Variants in DNAH12 observed in about 807,000 individuals in gnomAD.
DNAH12 encodes dynein axonemal heavy chain 12, also known as axonemal beta dynein heavy chain 12.
DNAH12 carries 285 observed loss-of-function variants against 371.5 expected under a neutral mutation model. The observed-to-expected ratio is 0.77, with a 90% CI of 0.70 to 0.85. DNAH12 has a LOEUF of 0.85. Ranked by LOEUF, DNAH12 falls within the 40% of genes least tolerant of loss-of-function variation. The pLI is 0.00. For missense variants in DNAH12, 3,611 were observed against 3,689.4 expected, an observed-to-expected ratio of 0.98 and a Z score of 0.55; for synonymous variants, 1,200 against 1,213.0, an observed-to-expected ratio of 0.99 and a Z score of 0.22.
chr3:57,340,427 A>T (rs2062366079), intron 60 of DNAH12, among the ~76,000 whole-genome samples: 1 of 152,088 alleles, frequency 6.6e-6, no homozygotes, highest in South Asian at 2.1e-4. Context: ...TAGACTAAGA[A>T]AAAAAGAGAA....
chr3:57,296,983 T>C lies in DNAH12; in HGVS notation c.11396A>G (p.Asp3799Gly). The part of the protein sequence containing the change: ...DFLARLNFLQ[D>G]WYNSGKPCVF... ...ACAAGGTTTTCCTGAATTATACCAG[T>C]CCTACAAAGGGAAAACAAAACACAT... Residue 3799 changes from aspartate (D) to glycine (G), a missense_variant and splice_region_variant, in exon 71 of 74, where the codon GAC (aspartate) becomes GGC (glycine). By Grantham distance (94) the Asp-to-Gly change is moderately conservative. Transcript: ENST00000495027. The C allele has an allele frequency of 6.4e-7, 1 of 1,551,332 alleles. No homozygotes were observed. The highest frequency in any genetic ancestry group is 8.7e-7 in the Non-Finnish European group (1 of 1,146,922).
At chr3:57,548,975 C>G (rs750239142), upstream of DNAH12, 1 of 151,964 alleles carries the variant, frequency 6.6e-6, no homozygotes, top group East Asian at 1.9e-4. Context: ...AAGCAAAATC[C>G]TTCACTTTTT....
At chr3:57,489,974 C>A (rs1223406215) in intron 11 of DNAH12, among the ~76,000 whole-genome samples, 1 of 151,930 alleles carries the variant, frequency 6.6e-6, no homozygotes, top group Non-Finnish European at 1.5e-5. Context: ...TAAAATTATC[C>A]CCAGAGTCAA....
rs1553681103 is a variant in DNAH12, at chr3:57,405,963, A to G, written c.6277-11T>C. The G allele has an allele frequency of 6.5e-7, 1 of 1,529,658 alleles. No individual in the cohort carries two copies. Among genetic ancestry groups the G allele is most frequent in the South Asian group, 1.2e-5 (1 of 82,554 alleles). 94.8% of individuals were successfully genotyped at this position (1,529,658 alleles called of 1,614,324 possible). On this transcript the variant is annotated splice_polypyrimidine_tract_variant and intron_variant, in intron 40 of 73. Coordinates refer to ENST00000495027, the MANE Select transcript of DNAH12 (RefSeq NM_001366028.2). ...AGATTGTTTATATATCTGAATATGA[A>G]AAAAGCAACAAAGCAAAAATAAAAT...
At chr3:57,449,632 T>A (rs2065680801) in intron 25 of DNAH12, among the ~76,000 whole-genome samples, 1 of 152,178 alleles carries the variant, frequency 6.6e-6, no homozygotes, top group African/African-American at 2.4e-5. Context: ...GCTGGCCGGC[T>A]GCTCAGAGTG....
intron 11 of DNAH12, among the ~76,000 whole-genome samples, chr3:57,499,100 G>T (rs1197600415): frequency 1.3e-5 from 2 of 152,098 alleles, no homozygotes; most frequent in South Asian, 2.1e-4. Context: ...GCTAGTAAAA[G>T]AAATCAGATG....
intron 62 of DNAH12, among the ~76,000 whole-genome samples, chr3:57,326,716 C>G (rs2153300709): frequency 6.6e-6 from 1 of 152,266 alleles, no homozygotes; most frequent in Non-Finnish European, 1.5e-5. Context: ...ACAATATTAA[C>G]TTTAAATGTA....
intron 60 of DNAH12, among the ~76,000 whole-genome samples, chr3:57,335,151 G>A (rs751300491): frequency 6.6e-6 from 1 of 152,174 alleles, no homozygotes; most frequent in Non-Finnish European, 1.5e-5. Flanking sequence ...AGAGAAGAGA[G>A]GTGAATAAGG....
intron 4 of DNAH12, chr3:57,519,799 T>C: frequency 6.8e-7 from 1 of 1,479,816 alleles, no homozygotes; most frequent in Admixed American, 1.7e-5. Flanking sequence ...AACACAGTCC[T>C]CTTGTTTGTT....
rs150116321 is a variant in DNAH12 at position 57,297,906 on chromosome 3, A to AGC, written c.11395-924_11395-923dup. Among the ~76,000 whole-genome samples the AGC allele has an allele frequency of 7.2e-3, 1,104 of 152,312 alleles. 12 individuals carry two copies. The highest frequency in any genetic ancestry group is 0.025 in the African/African-American group (1,034 of 41,556). On this transcript the variant is annotated intron_variant, in intron 70 of 73. Coordinates refer to ENST00000495027, the MANE Select transcript of DNAH12 (RefSeq NM_001366028.2). The stretch of plus-strand genomic sequence containing the variant: ...CAGTGATGCACCAAATTAAAGCTTA[A>AGC]GCCTCTTGGTCTCCTATTCAAGATA...
At chr3:57,462,939 A>T (rs2066099494) in intron 17 of DNAH12, 64 bp from the exon 18 acceptor site, 1 of 1,132,848 alleles carries the variant, frequency 8.8e-7, no homozygotes, top group Non-Finnish European at 1.3e-6. Flanking sequence ...TAGATTCCAT[A>T]GATGAAGCCT....
chr3:57,310,678 C>T, intron 67 of DNAH12, 39 bp downstream of exon 67: 2 of 1,378,074 alleles, frequency 1.5e-6, no homozygotes, highest in South Asian at 2.6e-5. Flanking sequence ...TTAGAAAAAT[C>T]ACACATTAAT....
intron 70 of DNAH12, among the ~76,000 whole-genome samples, chr3:57,300,256 C>T (rs1247213995): frequency 6.6e-6 from 1 of 152,192 alleles, no homozygotes; most frequent in Non-Finnish European, 1.5e-5. Context: ...CAGTCAGTTG[C>T]ACCCAAGACA....
chr3:57,422,935 C>T (rs755723394), intron 35 of DNAH12, among the ~76,000 whole-genome samples: 5 of 152,048 alleles, frequency 3.3e-5, no homozygotes, highest in South Asian at 2.1e-4. Context: ...AATAGAGAAA[C>T]GATGCAAATC....
intron 44 of DNAH12, 43 bp downstream of exon 44, chr3:57,394,128 A>T (rs1258261928): frequency 3.3e-5 from 5 of 152,174 alleles, no homozygotes; most frequent in Non-Finnish European, 7.4e-5. Flanking sequence ...TTCAAGAAAT[A>T]AAGTTTTTGT....
intron 60 of DNAH12, among the ~76,000 whole-genome samples, chr3:57,349,290 C>T (rs868921541): frequency 1.3e-5 from 2 of 152,266 alleles, no homozygotes; most frequent in Middle Eastern, 6.8e-3. Context: ...CCACCTCACT[C>T]CCGCAGGAAT....
chr3:57,420,697 CA>C (rs1007298723), intron 36 of DNAH12, among the ~76,000 whole-genome samples: 1 of 151,922 alleles, frequency 6.6e-6, no homozygotes, highest in African/African-American at 2.4e-5. Context: ...ATCACGAGGT[CA>C]GGAGACTGAG....
intron 4 of DNAH12, among the ~76,000 whole-genome samples, chr3:57,516,948 T>C (rs1379054812): frequency 2.6e-5 from 4 of 152,206 alleles, no homozygotes; most frequent in African/African-American, 4.8e-5. Flanking sequence ...TTTTCAAGTT[T>C]ATTTTATACT....
chr3:57,407,683 G>C (rs529013508), intron 40 of DNAH12, among the ~76,000 whole-genome samples: 2 of 152,086 alleles, frequency 1.3e-5, no homozygotes, highest in Non-Finnish European at 2.9e-5. Context: ...TTAGAGATGA[G>C]GCTGGCTCTA....
Sources: gnomAD v4.1 joint callset for allele counts (sites outside exome capture counted in the v4.1 genomes callset) on GRCh38, gnomAD v4.1.1 for gene constraint, MANE v1.5 for transcripts, NCBI Gene and HGNC (gene_info 2026-07-23, HGNC 2026-07-21) for gene names.